ASIC2: variants seen among roughly 807,000 people sequenced by gnomAD.
The protein encoded by ASIC2 is acid sensing ion channel subunit 2, also known as acid-sensing ion channel 2.
A neutral mutation model predicts 57.3 loss-of-function variants in ASIC2; 25 were observed. The ratio of observed to expected loss-of-function variants is 0.44; its 90% CI spans 0.32 to 0.61. The LOEUF is 0.61. Among genes scored for constraint, ASIC2 ranks in the 20% least tolerant of loss-of-function variants. ASIC2 has a pLI of 0.06. For synonymous variants in ASIC2, 319 were observed against 307.5 expected (o/e 1.04, Z -0.39); for missense variants, 641 against 738.1 (o/e 0.87, Z 1.52).
intron 1 of ASIC2, among the ~76,000 whole-genome samples, chr17:34,007,279 G>A (rs999078702): frequency 5.9e-5 from 9 of 152,300 alleles, no homozygotes; most frequent in South Asian, 2.1e-4. Context: ...GATGTGCCCC[G>A]TCAGGGAGCC....
intron 1 of ASIC2, among the ~76,000 whole-genome samples, chr17:33,136,050 C>A (rs140762784): frequency 5.3e-5 from 8 of 152,132 alleles, no homozygotes; most frequent in African/African-American, 1.4e-4. Flanking sequence ...TGTCAGTGGG[C>A]GTAATGTTCA....
At position 33,292,092 on chromosome 17, in the gene ASIC2, C is replaced by T. The variant is rs1291233709; in HGVS notation, c.24G>A (p.Gly8=). 1.9e-6 allele frequency: 2 copies of T among 1,049,230 alleles called. No homozygotes were observed. The highest frequency in any genetic ancestry group is 2.3e-6 in the Non-Finnish European group (2 of 873,934). 65.0% of individuals were successfully genotyped at this position (1,049,230 alleles called of 1,614,324 possible). ...GGCCGGTGAGCGCGGCTGCGGGCAG[C>T]CCGGCTCCGCCAATCCGGCTCATTC... MSRIGGA[G]LPAAALTGPG... Residue 8 remains glycine (G), a synonymous_variant, in exon 1 of 10, where the codon GGG becomes GGA. Transcript: ENST00000225823.
chr17:33,273,541 C>A (rs1471535260), intron 1 of ASIC2, among the ~76,000 whole-genome samples: 1 of 152,114 alleles, frequency 6.6e-6, no homozygotes, highest in Non-Finnish European at 1.5e-5. Flanking sequence ...ACTCAACAAC[C>A]ACTGAAGGGG....
chr17:34,123,241 C>T (rs1472937817), intron 1 of ASIC2, among the ~76,000 whole-genome samples: 3 of 152,130 alleles, frequency 2.0e-5, no homozygotes, highest in African/African-American at 4.8e-5. Context: ...GATTCATCTT[C>T]GCCTGGATTC....
chr17:33,464,525 T>C (rs1567621105), intron 1 of ASIC2, among the ~76,000 whole-genome samples: 3 of 35,240 alleles, frequency 8.5e-5, no homozygotes, highest in Admixed American at 7.0e-4. Context: ...TCTTTCTTTC[T>C]TTCTTTCTTT....
intron 1 of ASIC2, among the ~76,000 whole-genome samples, chr17:33,881,841 G>A (rs974242026): frequency 2.0e-5 from 3 of 152,224 alleles, no homozygotes; most frequent in Middle Eastern, 3.4e-3. Context: ...GAGGCATCAC[G>A]CTACCTGACT....
intron 1 of ASIC2, among the ~76,000 whole-genome samples, chr17:34,026,820 C>A (rs143862713): frequency 4.1e-4 from 63 of 152,278 alleles, no homozygotes; most frequent in African/African-American, 1.4e-3. Flanking sequence ...AATTAGTGGC[C>A]AAGTTGGGAT....
At chr17:33,863,075 C>G (rs574214796) in intron 1 of ASIC2, among the ~76,000 whole-genome samples, 5 of 152,342 alleles carry the variant, frequency 3.3e-5, no homozygotes. Flanking sequence ...CCTGAACAGC[C>G]CAGGACTGGT....
chr17:33,025,629 C>T (rs1274878048), intron 5 of ASIC2, among the ~76,000 whole-genome samples: 2 of 152,010 alleles, frequency 1.3e-5, no homozygotes, highest in African/African-American at 4.8e-5. Flanking sequence ...TCCTTAGCAC[C>T]CTCTGTTTCC....
At chr17:33,200,011 C>T (rs1381560816) in intron 1 of ASIC2, among the ~76,000 whole-genome samples, 1 of 152,078 alleles carries the variant, frequency 6.6e-6, no homozygotes, top group Non-Finnish European at 1.5e-5. Context: ...ATGCTCTGTC[C>T]CAGCTTCCTG....
At chr17:33,070,374 T>C (rs1324515629) in intron 3 of ASIC2, among the ~76,000 whole-genome samples, 2 of 149,936 alleles carry the variant, frequency 1.3e-5, no homozygotes. Context: ...AGTCTCGCTC[T>C]GTCACCCAGG....
chr17:34,078,881 C>T (rs1037673316), intron 1 of ASIC2: 28 of 152,214 alleles, frequency 1.8e-4, no homozygotes, highest in African/African-American at 6.3e-4. Context: ...AAAAGTCCCC[C>T]AAGTTCTCCT....
chr17:33,737,818 A>G (rs139130545), intron 1 of ASIC2, among the ~76,000 whole-genome samples: 43 of 152,352 alleles, frequency 2.8e-4, no homozygotes, highest in African/African-American at 8.9e-4. Context: ...AAAAGCCCCA[A>G]TTAGACTTAA....
chr17:33,598,492 A>G (rs750793799), intron 1 of ASIC2, among the ~76,000 whole-genome samples: 2 of 152,130 alleles, frequency 1.3e-5, no homozygotes, highest in Non-Finnish European at 2.9e-5. Context: ...ATGAAATTGA[A>G]GGGTGGTGTT....
intron 1 of ASIC2, among the ~76,000 whole-genome samples, chr17:33,287,410 C>T (rs1013977376): frequency 2.6e-5 from 4 of 152,206 alleles, no homozygotes; most frequent in Non-Finnish European, 5.9e-5. Flanking sequence ...GGTTCTTCTT[C>T]CAAAGCCCCA....
chr17:33,013,111 T>C lies in ASIC2; in HGVS notation c.*854A>G, dbSNP rs1160717830. The stretch of plus-strand genomic sequence containing the variant: ...ATTTCCACAAGACCAGCTTTTAATA[T>C]GACTGTGATTTGAAGCACGAATAAA... On this transcript the variant is annotated 3_prime_UTR_variant, in exon 10 of 10. Coordinates refer to ENST00000225823, the MANE Select transcript of ASIC2 (RefSeq NM_183377.2). 1.3e-5 allele frequency: 2 copies of C among 152,312 alleles called. No individual in the cohort carries two copies. The highest frequency in any genetic ancestry group is 2.9e-5 in the Non-Finnish European group (2 of 68,038). 9.4% of individuals were successfully genotyped at this position (152,312 alleles called of 1,614,324 possible).
chr17:34,101,524 G>A (rs957115106), intron 1 of ASIC2, among the ~76,000 whole-genome samples: 1 of 152,140 alleles, frequency 6.6e-6, no homozygotes, highest in African/African-American at 2.4e-5. Flanking sequence ...AAATATGCCA[G>A]CCTAAGAATG....
At chr17:33,094,229 A>G (rs942187311) in intron 2 of ASIC2, among the ~76,000 whole-genome samples, 1 of 152,076 alleles carries the variant, frequency 6.6e-6, no homozygotes, top group African/African-American at 2.4e-5. Flanking sequence ...GGGAGAGAGG[A>G]GAGTCAAGCT....
At chr17:33,899,255 G>T (rs549031151) in intron 1 of ASIC2, among the ~76,000 whole-genome samples, 11 of 152,226 alleles carry the variant, frequency 7.2e-5, no homozygotes, top group South Asian at 6.2e-4. Context: ...ATGACAGGGC[G>T]ATGCTGCTGC....
Sources: allele counts gnomAD v4.1 joint callset (sites outside exome capture counted in the v4.1 genomes callset), GRCh38; gene constraint gnomAD v4.1.1; transcripts MANE v1.5; gene names NCBI Gene and HGNC (gene_info 2026-07-23, HGNC 2026-07-21).